The following BRINP3 variants were observed in gnomAD, a reference collection of about 807,000 sequenced individuals.
BRINP3 encodes BMP/retinoic acid inducible neural specific 3.
Under a neutral mutation model 71.0 loss-of-function variants are expected in BRINP3, and 19 were observed. The observed-to-expected ratio is 0.27, with a 90% confidence interval of 0.19 to 0.39. The LOEUF is 0.39. Ranked by LOEUF, BRINP3 falls within the 10% of genes least tolerant of loss-of-function variation. The probability of loss-of-function intolerance (pLI) is 1.00; values close to 1 mark genes in which losing one functional copy is unlikely to be tolerated. For missense variants in BRINP3, 959 were observed against 940.8 expected (o/e 1.02, Z -0.25); for synonymous variants, 380 against 337.7 (o/e 1.13, Z -1.37).
intron 2 of BRINP3, among the ~76,000 whole-genome samples, chr1:190,389,745 G>A (rs546331459): frequency 4.0e-5 from 6 of 151,848 alleles, no homozygotes; most frequent in African/African-American, 7.2e-5. Context: ...CTATTGGAAC[G>A]GAAACAAACC....
chr1:190,107,377 C>T (rs1201835779), intron 7 of BRINP3, among the ~76,000 whole-genome samples: 3 of 151,856 alleles, frequency 2.0e-5, no homozygotes, highest in African/African-American at 4.8e-5. Context: ...ATTTCAACTA[C>T]GTGGAATTTT....
At chr1:190,229,099 T>C (rs548482289) in intron 5 of BRINP3, among the ~76,000 whole-genome samples, 1 of 152,090 alleles carries the variant, frequency 6.6e-6, no homozygotes, top group Non-Finnish European at 1.5e-5. Flanking sequence ...AAGTGAGAAT[T>C]TCTGGGGTTA....
chr1:190,321,721 C>T (rs970608593), intron 2 of BRINP3, among the ~76,000 whole-genome samples: 1 of 151,918 alleles, frequency 6.6e-6, no homozygotes, highest in Non-Finnish European at 1.5e-5. Context: ...GGCAAAGAAT[C>T]GCCTCAATGT....
At chr1:190,335,359 A>G (rs1237226167) in intron 2 of BRINP3, among the ~76,000 whole-genome samples, 1 of 151,904 alleles carries the variant, frequency 6.6e-6, no homozygotes, top group East Asian at 1.9e-4. Context: ...GAGTGACTCT[A>G]GAAGAAGAGG....
intron 2 of BRINP3, among the ~76,000 whole-genome samples, chr1:190,346,301 A>C (rs1668019049): frequency 6.6e-6 from 1 of 152,114 alleles, no homozygotes; most frequent in African/African-American, 2.4e-5. Context: ...AATATAACTA[A>C]TATAGGAAAA....
At chr1:190,285,813 G>A (rs1468674594) in intron 2 of BRINP3, among the ~76,000 whole-genome samples, 1 of 151,846 alleles carries the variant, frequency 6.6e-6, no homozygotes, top group East Asian at 1.9e-4. Context: ...ACAAAGCAAT[G>A]GAGCGCTGAA....
intron 2 of BRINP3, among the ~76,000 whole-genome samples, chr1:190,441,723 A>T (rs1674834989): frequency 6.6e-6 from 1 of 152,062 alleles, no homozygotes; most frequent in Non-Finnish European, 1.5e-5. Context: ...ATTATTTTTA[A>T]TGAGATATGG....
chr1:190,244,392 T>C (rs1281733567), intron 4 of BRINP3, among the ~76,000 whole-genome samples: 2 of 152,130 alleles, frequency 1.3e-5, no homozygotes, highest in Admixed American at 6.6e-5. Flanking sequence ...ATCTGCTCGA[T>C]TGATACTCAC....
intron 2 of BRINP3, among the ~76,000 whole-genome samples, chr1:190,410,625 A>C (rs181106425): frequency 9.9e-5 from 15 of 152,226 alleles, no homozygotes; most frequent in Admixed American, 3.9e-4. Context: ...AAAGATCAGG[A>C]ACAACACATA....
At chr1:190,161,975 C>A (rs1651022734) in intron 6 of BRINP3, among the ~76,000 whole-genome samples, 1 of 152,002 alleles carries the variant, frequency 6.6e-6, no homozygotes, top group South Asian at 2.1e-4. Flanking sequence ...GAATTATATT[C>A]ATGAACATTG....
intron 2 of BRINP3, among the ~76,000 whole-genome samples, chr1:190,362,784 A>G (rs1669233129): frequency 6.6e-6 from 1 of 152,166 alleles, no homozygotes; most frequent in Admixed American, 6.5e-5. Context: ...CATGTAAGAC[A>G]TGCCTTTAGG....
intron 5 of BRINP3, among the ~76,000 whole-genome samples, chr1:190,231,376 C>A (rs1190759461): frequency 6.6e-6 from 1 of 151,704 alleles, no homozygotes; most frequent in Non-Finnish European, 1.5e-5. Context: ...TTTAATCATC[C>A]ACCTTAAAAT....
intron 2 of BRINP3, among the ~76,000 whole-genome samples, chr1:190,364,765 A>G (rs1448094076): frequency 2.0e-5 from 3 of 152,182 alleles, no homozygotes; most frequent in South Asian, 2.1e-4. Context: ...TAATGCTTGC[A>G]AAACTGTCTT....
rs112164364 is a variant in BRINP3, at chr1:190,220,320, A to G, written c.961+5762T>C. ...GAAAACCAAACACTGCATGTTCTCAATCATATGTGGGAGTTGAACAATGAG... is the reference window on the plus strand; with the variant it reads ...GAAAACCAAACACTGCATGTTCTCAGTCATATGTGGGAGTTGAACAATGAG... On this transcript the variant is annotated intron_variant, in intron 6 of 7. Coordinates refer to ENST00000367462, the MANE Select transcript of BRINP3 (RefSeq NM_199051.3). 7.5e-3 allele frequency among the ~76,000 whole-genome samples: 1,148 copies of G among 152,084 alleles called. 11 individuals carry two copies. The highest frequency in any genetic ancestry group is 0.025 in the African/African-American group (1,050 of 41,498).
chr1:190,135,100 A>G (rs1443512951), intron 7 of BRINP3, among the ~76,000 whole-genome samples: 1 of 152,116 alleles, frequency 6.6e-6, no homozygotes, highest in East Asian at 1.9e-4. Context: ...TAATCTTCCC[A>G]AGAAACCTAG....
intron 2 of BRINP3, among the ~76,000 whole-genome samples, chr1:190,385,304 T>C (rs1356386584): frequency 1.3e-5 from 2 of 152,032 alleles, no homozygotes; most frequent in African/African-American, 2.4e-5. Context: ...GCCTACAAAA[T>C]GGGAGAAAAT....
intron 2 of BRINP3, among the ~76,000 whole-genome samples, chr1:190,329,302 T>C (rs915291491): frequency 1.4e-4 from 21 of 152,138 alleles, no homozygotes; most frequent in African/African-American, 5.1e-4. Flanking sequence ...TGCAAAATTT[T>C]CCTGGAATGG....
At chr1:190,289,394 T>C (rs574425935) in intron 2 of BRINP3, among the ~76,000 whole-genome samples, 1 of 151,966 alleles carries the variant, frequency 6.6e-6, no homozygotes, top group Non-Finnish European at 1.5e-5. Context: ...TACAAATAAT[T>C]TATTTCAACA....
chr1:190,144,288 T>C (rs568055021), intron 7 of BRINP3, among the ~76,000 whole-genome samples: 1 of 152,220 alleles, frequency 6.6e-6, no homozygotes, highest in South Asian at 2.1e-4. Context: ...AGCATCCATA[T>C]TTCATTCTCT....
Sources: gnomAD v4.1 joint callset for allele counts (sites outside exome capture counted in the v4.1 genomes callset) on GRCh38, gnomAD v4.1.1 for gene constraint, MANE v1.5 for transcripts, NCBI Gene and HGNC (gene_info 2026-07-23, HGNC 2026-07-21) for gene names.